The following GALNT16 variants were observed in gnomAD, a reference collection of about 807,000 sequenced individuals.
GALNT16 encodes the protein UDP-GalNAc:polypeptide N-acetylgalactosaminyltransferase-like protein 1.
In GALNT16, 40 loss-of-function variants were observed where a neutral mutation model predicts 76.1. The ratio of observed to expected loss-of-function variants is 0.53; its 90% CI spans 0.41 to 0.68. The LOEUF (loss-of-function observed/expected upper bound fraction) is 0.68, where lower values mean the gene tolerates loss of function less well. GALNT16 is among the 30% of genes least tolerant of loss of function. The pLI is 0.00. For synonymous variants in GALNT16, 276 were observed against 285.2 expected, an observed-to-expected ratio of 0.97 and a Z score of 0.32; for missense variants, 621 against 731.9, an observed-to-expected ratio of 0.85 and a Z score of 1.75.
rs770083791 is a variant in GALNT16, at chr14:69,352,174, GC to G, written c.*9del. 2.5e-6 allele frequency: 4 copies of G among 1,602,188 alleles called. No individual in the cohort carries two copies. The highest frequency in any genetic ancestry group is 3.4e-5 in the Admixed American group (2 of 58,224). On this transcript the variant is annotated 3_prime_UTR_variant, in exon 15 of 15. Transcript: ENST00000448469. ...AGCTGTTGCCACACACATGACGGTA[GC>G]CCTGGGGCCTCCTGTACCTTTTGCA...
In GALNT16 at chr14:69,333,433, C is replaced by A; in HGVS notation, c.864-64C>A. The A allele has an allele frequency of 1.0e-6, 1 of 973,194 alleles. No individual in the cohort carries two copies. Among genetic ancestry groups the A allele is most frequent in the Non-Finnish European group, 1.7e-6 (1 of 601,032 alleles). The allele number at this position is 973,194 out of a possible 1,614,324, so 60.3% of individuals were successfully genotyped here. On this transcript the variant is annotated intron_variant, in intron 8 of 14. Coordinates refer to ENST00000448469, the MANE Select transcript of GALNT16 (RefSeq NM_001168368.2). The surrounding 1 kb of genome is among the most constrained non-coding windows in gnomAD (Gnocchi z 4.2). ...AGGCAGACGGTCTTGGGTCCTGGGG[C>A]CATCTAAAGGGCCTCCTTGCTTCTC...
At chr14:69,303,182 A>C (rs961895) in intron 1 of GALNT16, among the ~76,000 whole-genome samples, 1 of 152,174 alleles carries the variant, frequency 6.6e-6, no homozygotes, top group African/African-American at 2.4e-5. Flanking sequence ...CCACAGCTGT[A>C]TGTGAGGGCG....
rs1157521455 is a variant in GALNT16, at chr14:69,352,342, G to A, written c.*174G>A. 10 of 645,196 alleles carry A rather than the reference G, an allele frequency of 1.5e-5. No individual in the cohort carries two copies. The highest frequency in any genetic ancestry group is 8.4e-5 in the East Asian group (3 of 35,778). The allele number at this position is 645,196 out of a possible 1,614,324, so 40.0% of individuals were successfully genotyped here. ...AAGCTTGTTCTAGGAGGGCGCAGGC[G>A]GGCACGCCCCGATGCCCTCAGTGCT... is the stretch of plus-strand genomic sequence containing the variant. On this transcript the variant is annotated 3_prime_UTR_variant, in exon 15 of 15. Coordinates refer to ENST00000448469, the MANE Select transcript of GALNT16 (RefSeq NM_001168368.2).
At chr14:69,367,903 G>C in the GALNT16 span, among the ~76,000 whole-genome samples, 8 of 152,226 alleles carry the variant, frequency 5.3e-5, no homozygotes, top group African/African-American at 1.7e-4. Context: ...TGAGGTGCGA[G>C]GATCGCTTGA....
chr14:69,345,353 G>A (rs2045547791), intron 12 of GALNT16, among the ~76,000 whole-genome samples: 1 of 152,126 alleles, frequency 6.6e-6, no homozygotes, highest in Admixed American at 6.5e-5. Context: ...TGTGGGAGAG[G>A]AATTGAAAGG....
intron 1 of GALNT16, among the ~76,000 whole-genome samples, chr14:69,280,529 C>T (rs193184382): frequency 3.3e-5 from 5 of 152,232 alleles, no homozygotes; most frequent in East Asian, 1.9e-4. Flanking sequence ...CTGTGCAAGA[C>T]GCTGCTTTCT....
intron 1 of GALNT16, among the ~76,000 whole-genome samples, chr14:69,301,618 T>A (rs970055589): frequency 6.6e-6 from 1 of 151,972 alleles, no homozygotes; most frequent in East Asian, 1.9e-4. Context: ...GGATTACAGG[T>A]GTGAACTACT....
the GALNT16 span, among the ~76,000 whole-genome samples, chr14:69,379,195 C>T: frequency 6.6e-6 from 1 of 152,332 alleles, no homozygotes; most frequent in South Asian, 2.1e-4. Context: ...CCACCTCAAC[C>T]TCCCAAAGTG....
chr14:69,365,455 G>A, the GALNT16 span, among the ~76,000 whole-genome samples: 1 of 152,148 alleles, frequency 6.6e-6, no homozygotes, highest in African/African-American at 2.4e-5. Flanking sequence ...ACAAAGGAAC[G>A]AGATCATGTC....
intron 2 of GALNT16, among the ~76,000 whole-genome samples, chr14:69,322,197 T>C (rs1300727173): frequency 3.9e-5 from 6 of 152,246 alleles, no homozygotes; most frequent in Non-Finnish European, 8.8e-5. Context: ...GTACTCCTGC[T>C]TCGCGGCAAG....
At chr14:69,320,650 A>G in intron 1 of GALNT16, 61 bp from the exon 2 acceptor site, 2 of 1,522,074 alleles carry the variant, frequency 1.3e-6, no homozygotes, top group Non-Finnish European at 1.8e-6. Flanking sequence ...TGTGCTGAGC[A>G]CTCGCCAAGC....
intron 1 of GALNT16, among the ~76,000 whole-genome samples, chr14:69,278,291 G>A (rs893913031): frequency 2.6e-5 from 4 of 152,098 alleles, no homozygotes; most frequent in African/African-American, 9.7e-5. Context: ...TTACAGGCGT[G>A]AGCCACCACA....
At chr14:69,339,230 T>G (rs1444553966) in intron 10 of GALNT16, among the ~76,000 whole-genome samples, 1 of 152,182 alleles carries the variant, frequency 6.6e-6, no homozygotes, top group East Asian at 1.9e-4. Context: ...CAGGGGAGGA[T>G]GAGGGACTTG....
chr14:69,269,140 A>AT (rs1555395592), intron 1 of GALNT16, among the ~76,000 whole-genome samples: 2 of 151,888 alleles, frequency 1.3e-5, no homozygotes, highest in South Asian at 2.1e-4. Context: ...TTTTTTTAAG[A>AT]TTTTTTTCCC....
intron 1 of GALNT16, among the ~76,000 whole-genome samples, chr14:69,315,895 C>A (rs2045092765): frequency 6.6e-6 from 1 of 152,002 alleles, no homozygotes; most frequent in African/African-American, 2.4e-5. Context: ...ATTTTTCAGA[C>A]AAGGTTTCTC....
chr14:69,351,931 T>C, intron 14 of GALNT16, 100 bp from the exon 15 acceptor site: 1 of 1,135,924 alleles, frequency 8.8e-7, no homozygotes, highest in Admixed American at 2.2e-5. Context: ...CCTAGTTATA[T>C]ACAAGGGCTG....
At chr14:69,370,265 CA>C in the GALNT16 span, among the ~76,000 whole-genome samples, 3 of 152,214 alleles carry the variant, frequency 2.0e-5, no homozygotes, top group Non-Finnish European at 2.9e-5. Flanking sequence ...CTCCGCCTGC[CA>C]AGCAACCAGA....
rs1337052526 is a variant in GALNT16, at chr14:69,333,559, A to G, written c.926A>G (p.Lys309Arg). 1.2e-6 allele frequency: 2 copies of G among 1,606,226 alleles called. No homozygotes were observed. The highest frequency in any genetic ancestry group is 1.7e-6 in the Non-Finnish European group (2 of 1,175,764). Residue 309 changes from lysine to arginine, a missense_variant, in exon 9 of 15, where the codon AAG (lysine) becomes AGG (arginine). Transcript: ENST00000448469. The surrounding 1 kb of genome is among the most constrained non-coding windows in gnomAD (Gnocchi z 4.2). Reference sequence around the variant, plus strand: ...AAGTCCTGGTTTAACCACTTGGGAAAGTATGATGCCCAGATGGACATCTGG... The same window carrying G: ...AAGTCCTGGTTTAACCACTTGGGAAGGTATGATGCCCAGATGGACATCTGG... ...IDKSWFNHLGKYDAQMDIWGG... is the reference protein window; with the variant it reads ...IDKSWFNHLGRYDAQMDIWGG...
At chr14:69,339,811 G>A (rs527832281) in intron 11 of GALNT16, among the ~76,000 whole-genome samples, 192 bp downstream of exon 11, 22 of 152,370 alleles carry the variant, frequency 1.4e-4, no homozygotes, top group Admixed American at 8.5e-4. Context: ...TTTGAGGAGC[G>A]TGAAATCTCA....
Sources: gnomAD v4.1 joint callset for allele counts (sites outside exome capture counted in the v4.1 genomes callset) on GRCh38, gnomAD v4.1.1 for gene constraint, Gnocchi (gnomAD v3.1) non-coding constraint, MANE v1.5 for transcripts, NCBI Gene and HGNC (gene_info 2026-07-23, HGNC 2026-07-21) for gene names.